Variants in HEG1 observed in about 807,000 individuals in gnomAD.
The protein encoded by HEG1 is protein HEG homolog 1.
HEG1 carries 56 observed loss-of-function variants against 125.6 expected under a neutral mutation model. That is an observed-to-expected ratio of 0.45 (90% CI 0.36 to 0.56). HEG1 has a LOEUF of 0.56. Ranked by LOEUF, HEG1 falls within the 20% of genes least tolerant of loss-of-function variation. The probability of loss-of-function intolerance (pLI) is 0.00; values close to 1 mark genes in which losing one functional copy is unlikely to be tolerated. For synonymous variants in HEG1, 644 were observed against 668.5 expected, an observed-to-expected ratio of 0.96 and a Z score of 0.57; for missense variants, 1,523 against 1,670.0, an observed-to-expected ratio of 0.91 and a Z score of 1.53.
chr3:124,991,292 G>A (rs1427198207), intron 12 of HEG1, among the ~76,000 whole-genome samples: 2 of 152,030 alleles, frequency 1.3e-5, no homozygotes, highest in African/African-American at 4.8e-5. Flanking sequence ...TGGGATTACA[G>A]GCATGTGCCA....
chr3:125,026,142 C>T (rs1937410702), intron 3 of HEG1, among the ~76,000 whole-genome samples: 1 of 152,222 alleles, frequency 6.6e-6, no homozygotes, highest in Admixed American at 6.5e-5. Context: ...AAGCAGCACA[C>T]ACAAACACTG....
At chr3:125,038,207 A>G (rs1399775777) in intron 1 of HEG1, among the ~76,000 whole-genome samples, 1 of 152,208 alleles carries the variant, frequency 6.6e-6, no homozygotes, top group Non-Finnish European at 1.5e-5. Flanking sequence ...CCACTCTGAC[A>G]AAAGCACTGA....
chr3:124,985,033 G>A lies in HEG1; in HGVS notation c.3733+5754C>T, dbSNP rs534090570. On this transcript the variant is annotated intron_variant, in intron 14 of 16. Coordinates refer to ENST00000311127, the MANE Select transcript of HEG1 (RefSeq NM_020733.2). ...GTATGTTCAGTGAGATCCAATTTCTGTTAAAAAGACATACACATATATATC... is the reference window on the plus strand; with the variant it reads ...GTATGTTCAGTGAGATCCAATTTCTATTAAAAAGACATACACATATATATC... Among the ~76,000 whole-genome samples the A allele has an allele frequency of 1.6e-4, 25 of 152,300 alleles. No individual in the cohort carries two copies. The East Asian group carries it at 4.8e-3, about 29-fold the overall frequency.
At chr3:124,975,861 A>G (rs1021189483) in intron 15 of HEG1, among the ~76,000 whole-genome samples, 3 of 152,220 alleles carry the variant, frequency 2.0e-5, no homozygotes, top group Admixed American at 1.3e-4. Flanking sequence ...TCAGTACTTC[A>G]TTCATTTTAT....
chr3:125,046,074 G>A lies in HEG1; in HGVS notation c.316+9501C>T, dbSNP rs192490084. On this transcript the variant is annotated intron_variant, in intron 1 of 16. Coordinates refer to ENST00000311127, the MANE Select transcript of HEG1 (RefSeq NM_020733.2). ...GGAAATTAAGGCCTAGGGACATTAG[G>A]CAGCTATCCAATGCCACAGAGGCAG... Among the ~76,000 whole-genome samples, 246 of 152,092 alleles carry A rather than the reference G, an allele frequency of 1.6e-3. 1 individual carries two copies. The highest frequency in any genetic ancestry group is 5.8e-3 in the African/African-American group (241 of 41,486).
At chr3:125,034,044 T>C (rs1937523541) in intron 1 of HEG1, among the ~76,000 whole-genome samples, 2 of 150,914 alleles carry the variant, frequency 1.3e-5, no homozygotes, top group Non-Finnish European at 2.9e-5. Flanking sequence ...ACCACTGATG[T>C]AAATTATATC....
rs201670111 is a variant in HEG1 at position 125,029,344 on chromosome 3, G to A, written c.461C>T (p.Ser154Leu). The change falls in exon 2 of 17, where the codon TCG becomes TTG. Residue 154 changes from serine (S) to leucine (L), a missense_variant. Coordinates refer to ENST00000311127, the MANE Select transcript of HEG1 (RefSeq NM_020733.2). ...VQTSGKSHAA[S>L]DAPENLTLLA... Reference sequence around the variant, plus strand: ...TAGAGTGAGGTTTTCTGGAGCATCCGAAGCAGCATGGCTCTTCCCAGAGGT... The same window carrying A: ...TAGAGTGAGGTTTTCTGGAGCATCCAAAGCAGCATGGCTCTTCCCAGAGGT... 16 of 1,613,960 alleles carry A rather than the reference G, an allele frequency of 9.9e-6. No homozygotes were observed. The highest frequency in any genetic ancestry group is 4.5e-5 in the East Asian group (2 of 44,886).
At chr3:125,004,508 G>A (rs1937043266) in intron 9 of HEG1, among the ~76,000 whole-genome samples, 1 of 151,778 alleles carries the variant, frequency 6.6e-6, no homozygotes, top group African/African-American at 2.4e-5. Context: ...TTTTGTTTTT[G>A]AGACAGGGTC....
At chr3:125,035,321 G>T (rs896372822) in intron 1 of HEG1, among the ~76,000 whole-genome samples, 3 of 152,070 alleles carry the variant, frequency 2.0e-5, no homozygotes, top group African/African-American at 7.2e-5. Flanking sequence ...TTCTAAGGAG[G>T]CTCCTTAGAG....
intron 5 of HEG1, among the ~76,000 whole-genome samples, chr3:125,017,022 T>A (rs374010819): frequency 6.6e-6 from 1 of 152,056 alleles, no homozygotes; most frequent in African/African-American, 2.4e-5. Flanking sequence ...GCAAATTATA[T>A]ATTTGATAAA....
intron 5 of HEG1, among the ~76,000 whole-genome samples, chr3:125,018,519 G>T (rs1190403832): frequency 6.6e-6 from 1 of 152,142 alleles, no homozygotes; most frequent in Admixed American, 6.6e-5. Flanking sequence ...AAATACTATG[G>T]AATATGAAAT....
chr3:125,003,643 A>G (rs1326102176), intron 9 of HEG1, among the ~76,000 whole-genome samples: 8 of 152,192 alleles, frequency 5.3e-5, no homozygotes. Flanking sequence ...ACATGGTATC[A>G]GCTCAACCTC....
At chr3:124,998,940 A>T (rs1419371898) in intron 11 of HEG1, among the ~76,000 whole-genome samples, 1 of 152,238 alleles carries the variant, frequency 6.6e-6, no homozygotes, top group African/African-American at 2.4e-5. Flanking sequence ...TTGTGCAGGG[A>T]GGAATGGCTG....
At chr3:124,973,684 CAG>C in intron 16 of HEG1, 45 bp downstream of exon 16, 1 of 1,481,968 alleles carries the variant, frequency 6.7e-7, no homozygotes, top group Non-Finnish European at 9.2e-7. Flanking sequence ...CTTTACTTCT[CAG>C]AGGAACCGGG....
chr3:125,053,927 C>G lies in HEG1; in HGVS notation c.316+1648G>C, dbSNP rs191703976. Reference sequence around the variant, plus strand: ...GAAGGAAAGAGACTCATGTGCCTGCCCCATCCAGCCAGGGCCCCTGCAAGT... The same window carrying G: ...GAAGGAAAGAGACTCATGTGCCTGCGCCATCCAGCCAGGGCCCCTGCAAGT... On this transcript the variant is annotated intron_variant, in intron 1 of 16. Coordinates refer to ENST00000311127, the MANE Select transcript of HEG1 (RefSeq NM_020733.2). 1.4e-3 allele frequency among the ~76,000 whole-genome samples: 215 copies of G among 152,328 alleles called. 1 individual carries two copies. The highest frequency in any genetic ancestry group is 2.1e-3 in the Non-Finnish European group (141 of 68,034).
intron 1 of HEG1, among the ~76,000 whole-genome samples, chr3:125,048,196 CT>C (rs1937707368): frequency 6.6e-6 from 1 of 152,208 alleles, no homozygotes; most frequent in African/African-American, 2.4e-5. Context: ...TACCTCAGAG[CT>C]AAAATATTAA....
intron 3 of HEG1, among the ~76,000 whole-genome samples, chr3:125,022,321 C>T (rs566070799): frequency 2.0e-5 from 3 of 151,862 alleles, no homozygotes; most frequent in Non-Finnish European, 4.4e-5. Flanking sequence ...GTTGTCATTA[C>T]AAACATTTCC....
rs773094712 is a variant in HEG1, at chr3:125,027,406, T to A, written c.712A>T (p.Arg238Trp). The change falls in exon 3 of 17, where the codon AGG (arginine) becomes TGG (tryptophan). Residue 238 changes from arginine (R) to tryptophan (W), a missense_variant. By Grantham distance (101) the Arg-to-Trp change is moderately radical (BLOSUM62 -3). Transcript: ENST00000311127. ...SGTASEMGTE[R>W]AMGLSEEWTV... is the part of the protein sequence containing the mutation. ...CATTCTTCTGACAGCCCCATCGCCC[T>A]CTCTGTTCCCATCTCCGAGGCTGTT... is the stretch of plus-strand genomic sequence containing the variant. The A allele has an allele frequency of 3.1e-6, 5 of 1,613,998 alleles. No homozygotes were observed. In the East Asian group the frequency reaches 1.1e-4, roughly 36 times the overall value.
chr3:125,008,706 A>C (rs1423821231), intron 8 of HEG1, among the ~76,000 whole-genome samples: 1 of 152,250 alleles, frequency 6.6e-6, no homozygotes, highest in African/African-American at 2.4e-5. Flanking sequence ...CTGAGGCATG[A>C]AAATCGCTTG....
Sources: gnomAD v4.1 joint callset for allele counts (sites outside exome capture counted in the v4.1 genomes callset) on GRCh38, gnomAD v4.1.1 for gene constraint, MANE v1.5 for transcripts, NCBI Gene and HGNC (gene_info 2026-07-23, HGNC 2026-07-21) for gene names.